Variants in SMC4 observed in about 807,000 individuals in gnomAD.
The protein encoded by SMC4 is structural maintenance of chromosomes 4.
SMC4 carries 87 observed loss-of-function variants against 145.6 expected under a neutral mutation model. That is an observed-to-expected ratio of 0.60 (90% CI 0.50 to 0.71). The LOEUF (loss-of-function observed/expected upper bound fraction) is 0.71. Ranked by LOEUF, SMC4 falls within the 30% of genes least tolerant of loss-of-function variation. The probability of loss-of-function intolerance (pLI) is 0.00; values close to 1 mark genes in which losing one functional copy is unlikely to be tolerated. For synonymous variants in SMC4, 558 were observed against 500.7 expected, an observed-to-expected ratio of 1.11 and a Z score of -1.53; for missense variants, 1,447 against 1,537.1, an observed-to-expected ratio of 0.94 and a Z score of 0.98.
At chr3:160,425,895 G>T (rs1472099808) in intron 16 of SMC4, among the ~76,000 whole-genome samples, 179 bp from the exon 17 acceptor site, 3 of 152,154 alleles carry the variant, frequency 2.0e-5, no homozygotes, top group Admixed American at 1.3e-4. Context: ...TCTTTATAAT[G>T]AGCTTACATA....
Position 160,423,985 on chromosome 3 carries a change from T to G in SMC4, c.2325+145T>G. On this transcript the variant is annotated intron_variant, in intron 15 of 23. Coordinates refer to ENST00000357388, the MANE Select transcript of SMC4 (RefSeq NM_001002800.3). ...GCGTTTTCTATAAATGACTAGGGAT[T>G]TTTTATGTAAAGCCCTTTAAAGTTT... The G allele has an allele frequency of 9.6e-6, 5 of 522,304 alleles. No individual in the cohort carries two copies. The Admixed American group carries it at 1.9e-4, about 19-fold the overall frequency. The allele number at this position is 522,304 out of a possible 1,614,324, so 32.4% of individuals were successfully genotyped here. A position where few individuals can be genotyped will look rare whatever the true frequency, so the allele number is the denominator to read the frequency against.
chr3:160,406,364 A>G (rs1715326748), intron 5 of SMC4, among the ~76,000 whole-genome samples: 1 of 152,176 alleles, frequency 6.6e-6, no homozygotes, highest in South Asian at 2.1e-4. Context: ...GTGCCCAATT[A>G]AAACTTTGAG....
chr3:160,401,120 T>C (rs1381736023), intron 2 of SMC4, among the ~76,000 whole-genome samples, 155 bp downstream of exon 2: 1 of 151,966 alleles, frequency 6.6e-6, no homozygotes, highest in Non-Finnish European at 1.5e-5. Flanking sequence ...ATTTGGCAAC[T>C]TTGAGATAGG....
rs148874830 is a variant in SMC4, at chr3:160,402,021, T to G, written c.246T>G (p.Leu82=). 23 of 1,600,290 alleles carry G rather than the reference T, an allele frequency of 1.4e-5. No homozygotes were observed. The Admixed American group carries it at 3.8e-4, about 27-fold the overall frequency. The change falls in exon 3 of 24, where the codon CTT becomes CTG. Residue 82 remains leucine, a synonymous_variant. Coordinates refer to ENST00000357388, the MANE Select transcript of SMC4 (RefSeq NM_001002800.3). ...CCAATGAAGCTGGAGCTCCTCGGCT[T>G]ATGATAACTCATATTGTAAACCAGA... is the stretch of plus-strand genomic sequence containing the variant. ...AMTNEAGAPR[L]MITHIVNQNF...
intron 20 of SMC4, 23 bp from the exon 21 acceptor site, chr3:160,431,617 AACT>A: frequency 6.6e-7 from 1 of 1,524,996 alleles, no homozygotes; most frequent in Non-Finnish European, 8.9e-7. Flanking sequence ...TGCCTTCTCT[AACT>A]CTCCCCTAAA....
intron 2 of SMC4, among the ~76,000 whole-genome samples, chr3:160,401,703 T>G (rs1379141310): frequency 6.6e-6 from 1 of 152,206 alleles, no homozygotes; most frequent in Non-Finnish European, 1.5e-5. Context: ...AATTTCTTTT[T>G]TAGTAAAACC....
chr3:160,424,785 G>A lies in SMC4; in HGVS notation c.2326-82G>A, dbSNP rs1560009406. On this transcript the variant is annotated intron_variant, in intron 15 of 23. Coordinates refer to ENST00000357388, the MANE Select transcript of SMC4 (RefSeq NM_001002800.3). ...AGACCGCGCCATTGCACTCCAGCCT[G>A]GGCGACAGAAGTTTTAGTTTTCTTC... is the stretch of plus-strand genomic sequence containing the variant. 2.0e-6 allele frequency: 3 copies of A among 1,523,996 alleles called. No homozygotes were observed. The South Asian group carries it at 3.4e-5, about 17-fold the overall frequency. The allele number at this position is 1,523,996 out of a possible 1,614,324, so 94.4% of individuals were successfully genotyped here. A position where few individuals can be genotyped will look rare whatever the true frequency, so the allele number is the denominator to read the frequency against.
At chr3:160,411,241 C>T (rs1715961752) in intron 5 of SMC4, among the ~76,000 whole-genome samples, 1 of 151,970 alleles carries the variant, frequency 6.6e-6, no homozygotes, top group East Asian at 1.9e-4. Flanking sequence ...GTCTTATGTA[C>T]CAGTGCCATT....
intron 21 of SMC4, 125 bp downstream of exon 21, chr3:160,431,950 C>T: frequency 9.8e-7 from 1 of 1,021,980 alleles, no homozygotes; most frequent in Admixed American, 3.1e-5. Flanking sequence ...GCCTGTAATC[C>T]CAGCACTTTG....
Position 160,428,928 on chromosome 3 carries a change from C to A in SMC4, c.2781C>A (p.Ile927=). 2 of 1,588,172 alleles carry A rather than the reference C, an allele frequency of 1.3e-6. No individual in the cohort carries two copies. Among genetic ancestry groups the A allele is most frequent in the Non-Finnish European group, 1.7e-6 (2 of 1,173,982 alleles). ...ASAITKAQVA[I]KTADRNLQKA... is the part of the protein sequence containing the mutation. ...CTATTACTAAAGCCCAAGTAGCAAT[C>A]AAGACTGCTGACAGGTAGAGTATGC... is the stretch of plus-strand genomic sequence containing the variant. The change falls in exon 18 of 24, where the codon ATC becomes ATA. Residue 927 remains isoleucine, a synonymous_variant. Coordinates refer to ENST00000357388, the MANE Select transcript of SMC4 (RefSeq NM_001002800.3).
At chr3:160,407,497 G>C (rs1290471741) in intron 5 of SMC4, among the ~76,000 whole-genome samples, 2 of 152,008 alleles carry the variant, frequency 1.3e-5, no homozygotes, top group Admixed American at 6.5e-5. Flanking sequence ...AGGTTGCAGT[G>C]AGCCAACATC....
rs773458951 is a variant in SMC4, at chr3:160,400,860, C to T, written c.34C>T (p.Arg12Trp). The T allele has an allele frequency of 2.6e-6, 4 of 1,534,356 alleles. No homozygotes were observed. The African/African-American group carries it at 4.3e-5, about 16-fold the overall frequency. The stretch of plus-strand genomic sequence containing the variant: ...TAAAGGCACCCAGCCCTCCACTGCC[C>T]GGCGCAGAGAGGAAGGGCCGCCGCC... ...PRKGTQPSTA[R>W]RREEGPPPPS... is the part of the protein sequence containing the mutation. Residue 12 changes from arginine (R) to tryptophan (W), a missense_variant, in exon 2 of 24, where the codon CGG becomes TGG. Coordinates refer to ENST00000357388, the MANE Select transcript of SMC4 (RefSeq NM_001002800.3).
chr3:160,431,775 T>C lies in SMC4; in HGVS notation c.3247T>C (p.Cys1083Arg). 1 of 1,613,926 alleles carries C rather than the reference T, an allele frequency of 6.2e-7. No homozygotes were observed. The highest frequency in any genetic ancestry group is 8.5e-7 in the Non-Finnish European group (1 of 1,179,988). The change falls in exon 21 of 24, where the codon TGT becomes CGT. Residue 1083 changes from cysteine to arginine, a missense_variant. Physicochemically the swap from Cys to Arg is radical, Grantham distance 180. Coordinates refer to ENST00000357388, the MANE Select transcript of SMC4 (RefSeq NM_001002800.3). ...TCAAATTGCACTTTTGGAAGCCCGG[T>C]GTCATGAAATGAAACCAAACCTCGG... Reference protein sequence around the residue: ...TNQIALLEARCHEMKPNLGAI... With the variant: ...TNQIALLEARRHEMKPNLGAI...
At chr3:160,403,313 T>G (rs1714922774) in intron 4 of SMC4, among the ~76,000 whole-genome samples, 1 of 152,150 alleles carries the variant, frequency 6.6e-6, no homozygotes, top group Non-Finnish European at 1.5e-5. Flanking sequence ...GAAAGAGCTT[T>G]GCTTCAGTTT....
chr3:160,432,617 A>G (rs191492592), intron 22 of SMC4, 102 bp downstream of exon 22: 285 of 749,306 alleles, frequency 3.8e-4, no homozygotes, highest in East Asian at 3.1e-3. Context: ...AAGATGTACA[A>G]CTTGTTTCAT....
chr3:160,400,630 C>G, intron 1 of SMC4, 192 bp from the exon 2 acceptor site: 1 of 605,668 alleles, frequency 1.7e-6, no homozygotes, highest in South Asian at 2.5e-5. Context: ...TTACATAGGT[C>G]TTGTTAAGAA....
chr3:160,404,369 T>C lies in SMC4; in HGVS notation c.552T>C (p.Tyr184=), dbSNP rs1243346554. The change falls in exon 5 of 24, where the codon TAT becomes TAC. Residue 184 remains tyrosine (Y), a synonymous_variant. Transcript: ENST00000357388. The part of the protein sequence containing the change: ...DYEVIPNSNF[Y]VSRTACRDNT... ...AAGTCATTCCTAACAGTAATTTCTA[T>C]GTATCCAGAACGGCCTGCAGAGATA... The C allele has an allele frequency of 6.2e-7, 1 of 1,606,584 alleles. No homozygotes were observed. The highest frequency in any genetic ancestry group is 8.5e-7 in the Non-Finnish European group (1 of 1,178,076).
In SMC4 at chr3:160,402,815, A is replaced by G. The variant is rs751849656; in HGVS notation, c.458A>G (p.Lys153Arg). ...SVLIHNSDEH[K>R]DIQSCTVEVH... ...TTAATACATAATTCTGATGAACACA[A>G]GGACATTCAGAGTTGTACAGTAGAA... The change falls in exon 4 of 24, where the codon AAG becomes AGG. Residue 153 changes from lysine (K) to arginine (R), a missense_variant. Transcript: ENST00000357388. 7 of 1,606,400 alleles carry G rather than the reference A, an allele frequency of 4.4e-6. No homozygotes were observed. The Admixed American group carries it at 1.2e-4, about 27-fold the overall frequency.
chr3:160,420,683 G>GA, intron 12 of SMC4, 57 bp from the exon 13 acceptor site: 3 of 1,560,228 alleles, frequency 1.9e-6, no homozygotes, highest in Non-Finnish European at 2.6e-6. Flanking sequence ...CTTGATGAAT[G>GA]AAATGGTCCT....
Sources: gnomAD v4.1 joint callset for allele counts (sites outside exome capture counted in the v4.1 genomes callset) on GRCh38, gnomAD v4.1.1 for gene constraint, MANE v1.5 for transcripts, NCBI Gene and HGNC (gene_info 2026-07-23, HGNC 2026-07-21) for gene names.